Variants in GON4L observed in about 807,000 individuals in gnomAD.
The protein encoded by GON4L is GON-4-like protein.
GON4L carries 87 observed loss-of-function variants against 211.8 expected under a neutral mutation model. The ratio of observed to expected loss-of-function variants is 0.41; its 90% CI spans 0.35 to 0.49. The LOEUF is 0.49. Ranked by LOEUF, GON4L falls within the 20% of genes least tolerant of loss-of-function variation. The pLI is 0.15. For synonymous variants in GON4L, 875 were observed against 962.6 expected (o/e 0.91, Z 1.68); for missense variants, 2,155 against 2,659.5 (o/e 0.81, Z 4.17).
chr1:155,765,137 C>A lies in GON4L; in HGVS notation c.4336G>T (p.Val1446Phe). The stretch of plus-strand genomic sequence containing the variant: ...TTCTCTCCTCCAGTTTCTGGCCCAA[C>A]TGGAGTCCCCACTGACTGACCATCA... ...SVDGQSVGTPVGPETGGEKNG... is the reference protein window; with the variant it reads ...SVDGQSVGTPFGPETGGEKNG... Residue 1446 changes from valine (V) to phenylalanine (F), a missense_variant, in exon 21 of 32, where the codon GTT (valine) becomes TTT (phenylalanine). This residue lies in a region of GON4L where 615 missense variants were observed against 625.7 expected (regional missense o/e 0.98). Coordinates refer to ENST00000368331, the MANE Select transcript of GON4L (RefSeq NM_001282860.2). The A allele has an allele frequency of 6.2e-7, 1 of 1,614,226 alleles. No homozygotes were observed. The highest frequency in any genetic ancestry group is 8.5e-7 in the Non-Finnish European group (1 of 1,180,040).
chr1:155,767,573 T>C (rs756142058), intron 19 of GON4L, 32 bp from the exon 20 acceptor site: 4 of 1,584,412 alleles, frequency 2.5e-6, no homozygotes, highest in Admixed American at 3.4e-5. Flanking sequence ...ATGAATTACA[T>C]TCCTTCTGGA....
chr1:155,827,382 T>G (rs1403959264), intron 2 of GON4L, among the ~76,000 whole-genome samples: 1 of 152,200 alleles, frequency 6.6e-6, no homozygotes, highest in African/African-American at 2.4e-5. Context: ...ATGCCCTGAC[T>G]TTGTAAATCA....
chr1:155,838,543 G>A (rs1259470977), intron 2 of GON4L, among the ~76,000 whole-genome samples: 1 of 152,140 alleles, frequency 6.6e-6, no homozygotes, highest in Non-Finnish European at 1.5e-5. Flanking sequence ...GGGTGGCCAA[G>A]GCAGGTGGAT....
chr1:155,837,996 G>C (rs923336631), intron 2 of GON4L, among the ~76,000 whole-genome samples: 1 of 152,094 alleles, frequency 6.6e-6, no homozygotes, highest in African/African-American at 2.4e-5. Context: ...GGGTGCTGTC[G>C]CTCACACCTC....
At position 155,853,701 on chromosome 1, in the gene GON4L, T is replaced by G. The variant is rs1672019138; in HGVS notation, c.80A>C (p.Asp27Ala). 1.9e-6 allele frequency: 3 copies of G among 1,613,502 alleles called. No individual in the cohort carries two copies. In the South Asian group the frequency reaches 3.3e-5, roughly 18 times the overall value. ...HKGNQEENNV[D>A]LESAVKPESD... ...TTCTGGTTTAACGGCTGATTCTAGG[T>G]CTACGTTGTTTTCCTCTTGATTGCC... The change falls in exon 2 of 32, where the codon GAC becomes GCC. Residue 27 changes from aspartate to alanine, a missense_variant. Physicochemically the swap from Asp to Ala is moderately radical, Grantham distance 126. Around this residue, in one of 6 missense-constraint regions of GON4L, gnomAD observed 313 missense variants for 293.2 expected, o/e 1.07. Coordinates refer to ENST00000368331, the MANE Select transcript of GON4L (RefSeq NM_001282860.2).
At chr1:155,792,580 G>A (rs1278941926) in intron 12 of GON4L, among the ~76,000 whole-genome samples, 5 of 152,190 alleles carry the variant, frequency 3.3e-5, no homozygotes, top group Non-Finnish European at 2.9e-5. Flanking sequence ...TGCAAAGCAA[G>A]AAGATCAATC....
chr1:155,834,984 C>T (rs929489576), intron 2 of GON4L, among the ~76,000 whole-genome samples: 2 of 152,058 alleles, frequency 1.3e-5, no homozygotes, highest in Non-Finnish European at 2.9e-5. Flanking sequence ...GTGTACCCAA[C>T]AGCTCATTGA....
chr1:155,780,238 T>C (rs1664284826), intron 14 of GON4L, among the ~76,000 whole-genome samples: 1 of 152,212 alleles, frequency 6.6e-6, no homozygotes, highest in Admixed American at 6.6e-5. Context: ...TGCTTCATGC[T>C]AGAAGATTTT....
intron 12 of GON4L, among the ~76,000 whole-genome samples, chr1:155,788,587 G>T (rs748861391): frequency 2.0e-5 from 3 of 152,018 alleles, no homozygotes; most frequent in Non-Finnish European, 4.4e-5. Flanking sequence ...ATTAAAAATA[G>T]CCCAGGTGAT....
chr1:155,758,645 G>A (rs1349357612), intron 24 of GON4L, among the ~76,000 whole-genome samples: 1 of 152,120 alleles, frequency 6.6e-6, no homozygotes, highest in Non-Finnish European at 1.5e-5. Flanking sequence ...TCGGGAAGCC[G>A]AGGTAGGCAA....
chr1:155,803,079 C>G (rs1666822768), intron 11 of GON4L, among the ~76,000 whole-genome samples: 1 of 152,152 alleles, frequency 6.6e-6, no homozygotes, highest in Non-Finnish European at 1.5e-5. Context: ...GATTCTAGCA[C>G]AATGCCTTGT....
At chr1:155,803,882 C>T (rs1219724304) in intron 11 of GON4L, among the ~76,000 whole-genome samples, 2 of 152,154 alleles carry the variant, frequency 1.3e-5, no homozygotes, top group Non-Finnish European at 1.5e-5. Context: ...GAGAATGGAG[C>T]TGAGTGACAA....
chr1:155,769,101 G>A (rs991380702), intron 19 of GON4L, among the ~76,000 whole-genome samples: 2 of 151,736 alleles, frequency 1.3e-5, no homozygotes, highest in South Asian at 2.1e-4. Flanking sequence ...TCAGCCTCCC[G>A]AGTGGCTGGG....
chr1:155,765,824 T>C lies in GON4L; in HGVS notation c.3649A>G (p.Ile1217Val), dbSNP rs1571659864. The C allele has an allele frequency of 2.5e-6, 4 of 1,614,132 alleles. No homozygotes were observed. The highest frequency in any genetic ancestry group is 2.2e-5 in the East Asian group (1 of 44,886). The change falls in exon 21 of 32, where the codon ATA becomes GTA. Residue 1217 changes from isoleucine (I) to valine (V), a missense_variant. Around this residue, in one of 6 missense-constraint regions of GON4L, gnomAD observed 615 missense variants for 625.7 expected, o/e 0.98. Transcript: ENST00000368331. ...GCCTTATCTTCAGGGGTGGATGGTA[T>C]AGGAAGATTCACAGAATTGCCAGAA... ...IVSGNSVNLP[I>V]PSTPEDKAHV...
intron 6 of GON4L, 24 bp downstream of exon 6, chr1:155,820,582 A>G (rs1668641032): frequency 5.1e-6 from 8 of 1,572,090 alleles, no homozygotes; most frequent in Non-Finnish European, 7.0e-6. Flanking sequence ...AAAAAAACCA[A>G]CAACAAAAAA....
At chr1:155,844,905 T>G (rs1015427252) in intron 2 of GON4L, among the ~76,000 whole-genome samples, 2 of 152,234 alleles carry the variant, frequency 1.3e-5, no homozygotes, top group Non-Finnish European at 2.9e-5. Flanking sequence ...GTCTTCTAGA[T>G]TGCAACAATT....
downstream of GON4L, chr1:155,746,479 G>C: frequency 3.3e-6 from 1 of 306,170 alleles, no homozygotes; most frequent in Non-Finnish European, 5.7e-6. Flanking sequence ...CCCCCAACTA[G>C]TGTATATCCC....
chr1:155,795,589 A>G (rs1275229831), intron 11 of GON4L, among the ~76,000 whole-genome samples: 1 of 152,134 alleles, frequency 6.6e-6, no homozygotes, highest in Admixed American at 6.6e-5. Flanking sequence ...CTGTGAGTGC[A>G]AACATGACTC....
At chr1:155,800,720 C>CG (rs1478352387) in intron 11 of GON4L, among the ~76,000 whole-genome samples, 2 of 151,708 alleles carry the variant, frequency 1.3e-5, no homozygotes, top group African/African-American at 4.8e-5. Flanking sequence ...GGCATGGTAG[C>CG]GCGTACCTGT....
Sources: gnomAD v4.1 joint callset for allele counts (sites outside exome capture counted in the v4.1 genomes callset) on GRCh38, gnomAD v4.1.1 for gene constraint, gnomAD v4.1.1 regional missense constraint, MANE v1.5 for transcripts, NCBI Gene and HGNC (gene_info 2026-07-23, HGNC 2026-07-21) for gene names.